The following IMMP2L variants were observed in gnomAD, a reference collection of about 807,000 sequenced individuals.
IMMP2L encodes the protein inner mitochondrial membrane peptidase subunit 2.
In IMMP2L, 18 loss-of-function variants were observed where a neutral mutation model predicts 19.3. That is an observed-to-expected ratio of 0.93 (90% CI 0.64 to 1.38). The LOEUF (loss-of-function observed/expected upper bound fraction) is 1.38. Among genes scored for constraint, IMMP2L ranks in the 40% most tolerant of loss-of-function variants. The pLI is 0.00. For synonymous variants in IMMP2L, 76 were observed against 73.0 expected (o/e 1.04, Z -0.21); for missense variants, 233 against 218.2 (o/e 1.07, Z -0.43).
chr7:111,008,727 T>C (rs1824582212), intron 3 of IMMP2L, among the ~76,000 whole-genome samples: 1 of 152,024 alleles, frequency 6.6e-6, no homozygotes, highest in Non-Finnish European at 1.5e-5. Flanking sequence ...GTGCCTAGAA[T>C]ACTATGTGGC....
intron 5 of IMMP2L, among the ~76,000 whole-genome samples, chr7:110,735,189 G>A (rs1796536715): frequency 6.6e-6 from 1 of 152,142 alleles, no homozygotes; most frequent in South Asian, 2.1e-4. Flanking sequence ...AACTCAAGCT[G>A]AGCCTGCATG....
chr7:110,990,922 T>C (rs1045083434), intron 3 of IMMP2L, among the ~76,000 whole-genome samples: 6 of 152,242 alleles, frequency 3.9e-5, no homozygotes, highest in Non-Finnish European at 7.3e-5. Context: ...CATATTCATA[T>C]TGGCACCTTT....
At chr7:110,787,340 T>C (rs900555080) in intron 5 of IMMP2L, among the ~76,000 whole-genome samples, 1 of 151,994 alleles carries the variant, frequency 6.6e-6, no homozygotes, top group African/African-American at 2.4e-5. Context: ...GAAGCTTTTA[T>C]CTCTTGATTT....
chr7:111,091,861 AAGAGAGAAGAC>A (rs771732419), intron 3 of IMMP2L, among the ~76,000 whole-genome samples: 9 of 151,922 alleles, frequency 5.9e-5, no homozygotes, highest in Non-Finnish European at 1.0e-4. Flanking sequence ...GGAGATGGGG[AAGAGAGAAGAC>A]AGAGAGGAGA....
chr7:110,998,534 A>G (rs964653649), intron 3 of IMMP2L, among the ~76,000 whole-genome samples: 6 of 152,180 alleles, frequency 3.9e-5, no homozygotes, highest in Non-Finnish European at 1.5e-5. Context: ...TAAGTAAATC[A>G]AAGTTTGCTA....
intron 3 of IMMP2L, among the ~76,000 whole-genome samples, chr7:111,040,740 A>T (rs1351058312): frequency 6.7e-6 from 1 of 149,006 alleles, no homozygotes; most frequent in African/African-American, 2.4e-5. Flanking sequence ...ATTATATAAA[A>T]TCTTATAAAC....
intron 3 of IMMP2L, among the ~76,000 whole-genome samples, chr7:111,234,711 T>C (rs1172163770): frequency 6.6e-6 from 1 of 152,102 alleles, no homozygotes; most frequent in Non-Finnish European, 1.5e-5. Context: ...TCTTGACTTA[T>C]TAGCTATAAT....
chr7:111,323,800 A>C (rs1452273011), intron 3 of IMMP2L, among the ~76,000 whole-genome samples: 2 of 152,178 alleles, frequency 1.3e-5, no homozygotes, highest in African/African-American at 2.4e-5. Context: ...ACCATGGAAT[A>C]CTATGCAGCC....
At chr7:110,697,613 C>T (rs1793982525) in intron 5 of IMMP2L, among the ~76,000 whole-genome samples, 1 of 151,900 alleles carries the variant, frequency 6.6e-6, no homozygotes, top group Non-Finnish European at 1.5e-5. Flanking sequence ...GACCAGCCTG[C>T]ACAACATAGT....
At chr7:110,858,008 C>G (rs868041769) in intron 5 of IMMP2L, among the ~76,000 whole-genome samples, 1 of 152,046 alleles carries the variant, frequency 6.6e-6, no homozygotes, top group African/African-American at 2.4e-5. Context: ...TGCCAGGAAG[C>G]TCATAACCAA....
intron 3 of IMMP2L, among the ~76,000 whole-genome samples, chr7:111,225,581 T>G (rs548639885): frequency 6.6e-6 from 1 of 151,806 alleles, no homozygotes; most frequent in Admixed American, 6.6e-5. Flanking sequence ...GTACTACTTA[T>G]TGAGTTTTGG....
At chr7:110,880,052 C>T (rs1357939417) in intron 5 of IMMP2L, among the ~76,000 whole-genome samples, 2 of 152,018 alleles carry the variant, frequency 1.3e-5, no homozygotes, top group African/African-American at 2.4e-5. Context: ...AGTCATGGGG[C>T]CTGTGATGAC....
chr7:110,973,306 C>A (rs917356681), intron 3 of IMMP2L, among the ~76,000 whole-genome samples: 1 of 151,984 alleles, frequency 6.6e-6, no homozygotes, highest in Non-Finnish European at 1.5e-5. Context: ...TTTTAGTTGT[C>A]GGTCATACCT....
chr7:110,687,423 T>C (rs1310670547), intron 5 of IMMP2L, among the ~76,000 whole-genome samples: 1 of 152,086 alleles, frequency 6.6e-6, no homozygotes, highest in Non-Finnish European at 1.5e-5. Context: ...TTTTTTAAAG[T>C]ACTCAACATA....
chr7:111,099,225 A>T (rs1455384003), intron 3 of IMMP2L, among the ~76,000 whole-genome samples: 2 of 151,718 alleles, frequency 1.3e-5, no homozygotes, highest in African/African-American at 2.4e-5. Context: ...ATTGGTCTCA[A>T]ATTTCATTAT....
At chr7:111,242,635 C>T (rs1815233267) in intron 3 of IMMP2L, among the ~76,000 whole-genome samples, 1 of 151,978 alleles carries the variant, frequency 6.6e-6, no homozygotes, top group Admixed American at 6.6e-5. Context: ...TTGCTGGGAG[C>T]TTTATTACAA....
intron 3 of IMMP2L, among the ~76,000 whole-genome samples, chr7:111,382,052 T>C (rs1248072329): frequency 6.6e-6 from 1 of 151,886 alleles, no homozygotes; most frequent in Non-Finnish European, 1.5e-5. Flanking sequence ...ATGCCTACGC[T>C]GAAGCTAGAG....
intron 3 of IMMP2L, among the ~76,000 whole-genome samples, chr7:111,436,873 G>A: frequency 6.6e-6 from 1 of 151,784 alleles, no homozygotes. Flanking sequence ...GAAGGTGAAG[G>A]GGGTGCAGGT....
intron 3 of IMMP2L, chr7:111,091,634 T>C (rs1220508447): frequency 6.6e-6 from 1 of 152,222 alleles, no homozygotes; most frequent in Non-Finnish European, 1.5e-5. Flanking sequence ...TTTTCTTTTA[T>C]TGCACTTTTG....
Sources: gnomAD v4.1 joint callset for allele counts (sites outside exome capture counted in the v4.1 genomes callset) on GRCh38, gnomAD v4.1.1 for gene constraint, MANE v1.5 for transcripts, NCBI Gene and HGNC (gene_info 2026-07-23, HGNC 2026-07-21) for gene names.